The following RFX7 variants were observed in gnomAD, a reference collection of about 807,000 sequenced individuals.
RFX7 encodes the protein regulatory factor X7, also known as DNA-binding protein RFX7.
RFX7 carries 26 observed loss-of-function variants against 111.8 expected under a neutral mutation model. The ratio of observed to expected loss-of-function variants is 0.23; its 90% CI spans 0.17 to 0.32. The LOEUF (loss-of-function observed/expected upper bound fraction) is 0.32. Among genes scored for constraint, RFX7 ranks in the 10% least tolerant of loss-of-function variants. The pLI is 1.00. For missense variants in RFX7, 1,573 were observed against 1,772.9 expected (o/e 0.89, Z 2.02); for synonymous variants, 624 against 624.4 (o/e 1.00, Z 0.01).
At chr15:56,149,725 C>T (rs1567027957) in intron 3 of RFX7, among the ~76,000 whole-genome samples, 1 of 152,152 alleles carries the variant, frequency 6.6e-6, no homozygotes, top group South Asian at 2.1e-4. Flanking sequence ...CCTCTGGTGA[C>T]TACCCTACCA....
chr15:56,094,633 C>T lies in RFX7; in HGVS notation c.3095G>A (p.Ser1032Asn). The T allele has an allele frequency of 6.2e-7, 1 of 1,613,918 alleles. No homozygotes were observed. Among genetic ancestry groups the T allele is most frequent in the South Asian group, 1.1e-5 (1 of 91,070 alleles). ...AATGCTGGCGTCATGATATGCCATA[C>T]TGGAGCTTATTGGAGTGAATGCAAA... The part of the protein sequence containing the change: ...NPFAFTPISS[S>N]MAYHDASIVS... Residue 1032 changes from serine (S) to asparagine (N), a missense_variant, in exon 10 of 10, where the codon AGT becomes AAT. Ser to Asn is a conservative substitution (Grantham distance 46). Coordinates refer to ENST00000559447, the MANE Select transcript of RFX7 (RefSeq NM_022841.7).
intron 4 of RFX7, among the ~76,000 whole-genome samples, chr15:56,144,022 A>G (rs192340071): frequency 9.9e-5 from 15 of 152,266 alleles, no homozygotes; most frequent in Non-Finnish European, 1.9e-4. Context: ...TTTATATTCT[A>G]TGATGTGTTT....
Position 56,096,176 on chromosome 15 carries a change from A to G in RFX7, c.1552T>C (p.Ser518Pro), listed in dbSNP as rs1241506467. ...CTCCTGGACCCAGGAGACTGAAGCGACACGACAGAACCATTCTTGATCTGT... is the reference window on the plus strand; with the variant it reads ...CTCCTGGACCCAGGAGACTGAAGCGGCACGACAGAACCATTCTTGATCTGT... ...VPQIKNGSVV[S>P]LQSPGSRSSS... Residue 518 changes from serine to proline, a missense_variant, in exon 10 of 10, where the codon TCG becomes CCG. Physicochemically the swap from Ser to Pro is moderately conservative, Grantham distance 74. Around this residue, in one of 7 missense-constraint regions of RFX7, gnomAD observed 625 missense variants for 632.2 expected, o/e 0.99. Coordinates refer to ENST00000559447, the MANE Select transcript of RFX7 (RefSeq NM_022841.7). 6.2e-7 allele frequency: 1 copy of G among 1,613,904 alleles called. No homozygotes were observed. Among genetic ancestry groups the G allele is most frequent in the Non-Finnish European group, 8.5e-7 (1 of 1,179,864 alleles).
At chr15:56,202,552 C>T (rs547702743) in intron 2 of RFX7, among the ~76,000 whole-genome samples, 17 of 152,276 alleles carry the variant, frequency 1.1e-4, no homozygotes, top group South Asian at 2.1e-4. Flanking sequence ...ACCTGTAATC[C>T]CAACACTTTG....
At chr15:56,230,731 G>C (rs2043544750) in intron 2 of RFX7, among the ~76,000 whole-genome samples, 2 of 152,284 alleles carry the variant, frequency 1.3e-5, no homozygotes, top group South Asian at 4.1e-4. Context: ...GTCAAGAAAA[G>C]GTCAATGTGT....
At chr15:56,146,205 A>C (rs1567026451) in intron 3 of RFX7, among the ~76,000 whole-genome samples, 1 of 152,038 alleles carries the variant, frequency 6.6e-6, no homozygotes, top group African/African-American at 2.4e-5. Context: ...TCAACTGATC[A>C]TCCCACCTCA....
intron 3 of RFX7, among the ~76,000 whole-genome samples, chr15:56,154,485 C>A (rs2042621566): frequency 6.6e-6 from 1 of 152,140 alleles, no homozygotes; most frequent in Non-Finnish European, 1.5e-5. Context: ...CGCATATCTA[C>A]AACTATCTGA....
chr15:56,115,218 G>A (rs1342445513), intron 5 of RFX7, among the ~76,000 whole-genome samples: 1 of 152,120 alleles, frequency 6.6e-6, no homozygotes, highest in African/African-American at 2.4e-5. Flanking sequence ...TGCCATGTTG[G>A]CCAGGCTGGT....
intron 3 of RFX7, among the ~76,000 whole-genome samples, chr15:56,157,605 G>A (rs546351867): frequency 6.6e-6 from 1 of 152,354 alleles, no homozygotes; most frequent in South Asian, 2.1e-4. Flanking sequence ...TTTTGAGACG[G>A]AGTCTTGCTC....
At chr15:56,160,840 C>G (rs1303552982) in intron 3 of RFX7, 1 of 152,004 alleles carries the variant, frequency 6.6e-6, no homozygotes, top group East Asian at 1.9e-4. Context: ...TAATTTTCAG[C>G]AATTTTCAGT....
In RFX7 at chr15:56,150,276, C is replaced by G. The variant is rs559550904; in HGVS notation, c.196-5793G>C. ...CCCTGCCTGATGGCTCTGAAGAGAG[C>G]AGCAGAACTCCCAGTGCAGCGTTCC... On this transcript the variant is annotated intron_variant, in intron 3 of 9. Transcript: ENST00000559447. Among the ~76,000 whole-genome samples, 13 of 152,316 alleles carry G rather than the reference C, an allele frequency of 8.5e-5. No homozygotes were observed. The East Asian group carries it at 2.3e-3, about 27-fold the overall frequency.
rs1437824838 is a variant in RFX7, at chr15:56,109,379, G to A, written c.402-5709C>T. Among the ~76,000 whole-genome samples, 3 of 152,198 alleles carry A rather than the reference G, an allele frequency of 2.0e-5. No individual in the cohort carries two copies. The East Asian group carries it at 5.8e-4, about 29-fold the overall frequency. Reference sequence around the variant, plus strand: ...GGTGCCCAGGCTGGAGTGCAGTGGCGTGATCTCGGCTCGCTACAACATCCA... The same window carrying A: ...GGTGCCCAGGCTGGAGTGCAGTGGCATGATCTCGGCTCGCTACAACATCCA... On this transcript the variant is annotated intron_variant, in intron 5 of 9. Coordinates refer to ENST00000559447, the MANE Select transcript of RFX7 (RefSeq NM_022841.7).
intron 5 of RFX7, among the ~76,000 whole-genome samples, chr15:56,111,676 A>C (rs1214863040): frequency 3.3e-5 from 5 of 151,006 alleles, no homozygotes; most frequent in African/African-American, 9.7e-5. Context: ...AAAAAAAAAA[A>C]AAAACCAAAA....
intron 2 of RFX7, among the ~76,000 whole-genome samples, chr15:56,222,198 C>T (rs755473961): frequency 6.6e-6 from 1 of 152,132 alleles, no homozygotes; most frequent in Non-Finnish European, 1.5e-5. Flanking sequence ...GTCTTCTAGC[C>T]TCCATTATTT....
At position 56,201,540 on chromosome 15, in the gene RFX7, T is replaced by C. The variant is rs566484868; in HGVS notation, c.162-22237A>G. 2.6e-5 allele frequency among the ~76,000 whole-genome samples: 4 copies of C among 152,286 alleles called. 1 individual carries two copies. The South Asian group carries it at 8.3e-4, about 32-fold the overall frequency. Reference sequence around the variant, plus strand: ...AGAGGAAGATACCAAAACTGATATATTTTTAAAGATAGAAGAGTTATTAGT... The same window carrying C: ...AGAGGAAGATACCAAAACTGATATACTTTTAAAGATAGAAGAGTTATTAGT... On this transcript the variant is annotated intron_variant, in intron 2 of 9. Transcript: ENST00000559447.
chr15:56,107,461 T>C (rs1271156485), intron 5 of RFX7, among the ~76,000 whole-genome samples: 1 of 152,030 alleles, frequency 6.6e-6, no homozygotes, highest in Non-Finnish European at 1.5e-5. Flanking sequence ...TTAATATTCA[T>C]TCATGTCACA....
intron 3 of RFX7, among the ~76,000 whole-genome samples, chr15:56,151,742 C>T (rs996926114): frequency 6.6e-6 from 1 of 152,030 alleles, no homozygotes; most frequent in Admixed American, 6.6e-5. Flanking sequence ...GCTAAATGCC[C>T]CAATTAAAAG....
At position 56,093,581 on chromosome 15, in the gene RFX7, C is replaced by T. The variant is rs748082162; in HGVS notation, c.4147G>A (p.Asp1383Asn). ...GAGAGCTCAGAAGACAACCTGATAT[C>T]GCTAGAGAAATCAGATGCAGTATTA... is the stretch of plus-strand genomic sequence containing the variant. Reference protein sequence around the residue: ...LTNTASDFSSDIRLSSELSGS... With the variant: ...LTNTASDFSSNIRLSSELSGS... The change falls in exon 10 of 10, where the codon GAT (aspartate) becomes AAT (asparagine). Residue 1383 changes from aspartate to asparagine, a missense_variant. Asp to Asn is a conservative substitution (Grantham distance 23, BLOSUM62 1). Transcript: ENST00000559447. The T allele has an allele frequency of 1.1e-5, 17 of 1,613,570 alleles. No homozygotes were observed. Among genetic ancestry groups the T allele is most frequent in the African/African-American group, 5.3e-5 (4 of 74,910 alleles).
intron 2 of RFX7, among the ~76,000 whole-genome samples, chr15:56,223,058 C>G (rs1301168860): frequency 2.0e-5 from 3 of 152,122 alleles, no homozygotes; most frequent in African/African-American, 7.2e-5. Flanking sequence ...TATAGACATC[C>G]TGAAGTCTTA....
Sources: gnomAD v4.1 joint callset for allele counts (sites outside exome capture counted in the v4.1 genomes callset) on GRCh38, gnomAD v4.1.1 for gene constraint, gnomAD v4.1.1 regional missense constraint, MANE v1.5 for transcripts, NCBI Gene and HGNC (gene_info 2026-07-23, HGNC 2026-07-21) for gene names.